Variants in ARHGEF28 observed in about 807,000 individuals in gnomAD.
The protein encoded by ARHGEF28 is Rho guanine nucleotide exchange factor 28.
A neutral mutation model predicts 206.6 loss-of-function variants in ARHGEF28; 152 were observed. The ratio of observed to expected loss-of-function variants is 0.74; its 90% CI spans 0.64 to 0.84. The LOEUF is 0.84. Among genes scored for constraint, ARHGEF28 ranks in the 40% least tolerant of loss-of-function variants. The pLI is 0.00. For synonymous variants in ARHGEF28, 763 were observed against 776.4 expected, an observed-to-expected ratio of 0.98 and a Z score of 0.29; for missense variants, 2,028 against 2,073.2, an observed-to-expected ratio of 0.98 and a Z score of 0.42.
At chr5:73,830,660 T>C (rs1363755378) in intron 9 of ARHGEF28, among the ~76,000 whole-genome samples, 1 of 152,106 alleles carries the variant, frequency 6.6e-6, no homozygotes, top group African/African-American at 2.4e-5. Context: ...GGAGAAGAGA[T>C]AGATTTAGAA....
chr5:73,629,273 G>A (rs1480998508), intron 1 of ARHGEF28, among the ~76,000 whole-genome samples: 1 of 151,990 alleles, frequency 6.6e-6, no homozygotes, highest in African/African-American at 2.4e-5. Context: ...TGAAGTGGGA[G>A]GATTGCTTGA....
intron 24 of ARHGEF28, 74 bp from the exon 25 acceptor site, chr5:73,885,773 AAAG>A (rs1190736753): frequency 6.4e-6 from 9 of 1,399,590 alleles, no homozygotes; most frequent in African/African-American, 1.5e-5. Flanking sequence ...TTTTAAAACT[AAAG>A]AAGAAGTTTT....
intron 9 of ARHGEF28, among the ~76,000 whole-genome samples, chr5:73,821,304 CAT>C (rs956836700): frequency 4.6e-5 from 7 of 152,184 alleles, no homozygotes; most frequent in African/African-American, 1.4e-4. Context: ...ATTGAGGACA[CAT>C]AAAAAATAAG....
intron 4 of ARHGEF28, among the ~76,000 whole-genome samples, chr5:73,758,303 T>C (rs1234902125): frequency 6.6e-6 from 1 of 152,228 alleles, no homozygotes; most frequent in Non-Finnish European, 1.5e-5. Context: ...AAAGAGGTCA[T>C]ATAAAGAATA....
At chr5:73,744,598 T>C (rs1751620063) in intron 2 of ARHGEF28, among the ~76,000 whole-genome samples, 1 of 152,038 alleles carries the variant, frequency 6.6e-6, no homozygotes, top group Non-Finnish European at 1.5e-5. Flanking sequence ...CAAATCAAAT[T>C]TGATAGTTCA....
chr5:73,701,405 A>G (rs1281338635), intron 2 of ARHGEF28, among the ~76,000 whole-genome samples: 3 of 152,086 alleles, frequency 2.0e-5, no homozygotes, highest in Non-Finnish European at 4.4e-5. Flanking sequence ...TGTCAGTGAG[A>G]TTTCTATTGG....
intron 2 of ARHGEF28, among the ~76,000 whole-genome samples, chr5:73,688,750 G>T (rs958318249): frequency 2.0e-5 from 3 of 152,046 alleles, no homozygotes; most frequent in African/African-American, 7.2e-5. Flanking sequence ...TCAGCCTCTG[G>T]GTAAGTGATT....
chr5:73,938,739 C>A (rs772087579), intron 35 of ARHGEF28, among the ~76,000 whole-genome samples: 1 of 152,096 alleles, frequency 6.6e-6, no homozygotes, highest in African/African-American at 2.4e-5. Flanking sequence ...AGTGTGACTG[C>A]GTGTTGTGAC....
chr5:73,877,034 G>C (rs1031050314), intron 22 of ARHGEF28, among the ~76,000 whole-genome samples: 1 of 138,406 alleles, frequency 7.2e-6, no homozygotes, highest in African/African-American at 2.8e-5. Context: ...GAATTTGGCT[G>C]TGAATCCATC....
At chr5:73,875,739 G>A (rs1445951319) in intron 22 of ARHGEF28, among the ~76,000 whole-genome samples, 2 of 151,684 alleles carry the variant, frequency 1.3e-5, no homozygotes, top group South Asian at 2.1e-4. Flanking sequence ...TAGATATGCG[G>A]CGTTATTTCT....
rs770106249 is a variant in ARHGEF28 at position 73,840,648 on chromosome 5, A to T, written c.1315A>T (p.Thr439Ser). 6.2e-7 allele frequency: 1 copy of T among 1,613,824 alleles called. No homozygotes were observed. The highest frequency in any genetic ancestry group is 1.7e-5 in the Admixed American group (1 of 59,992). The change falls in exon 11 of 36, where the codon ACT becomes TCT. Residue 439 changes from threonine to serine, a missense_variant. By Grantham distance (58) the Thr-to-Ser change is moderately conservative (BLOSUM62 1). This residue lies in a region of ARHGEF28 where 1,002 missense variants were observed against 1,015.3 expected (regional missense o/e 0.99). Coordinates refer to ENST00000513042, the MANE Select transcript of ARHGEF28 (RefSeq NM_001177693.2). ...TGAAAATGTCGAAGGGACAGCACAC[A>T]CTGAAGCCCAGCAGTCCTTCATGTC... The part of the protein sequence containing the change: ...LSENVEGTAH[T>S]EAQQSFMSPS...
intron 9 of ARHGEF28, among the ~76,000 whole-genome samples, chr5:73,799,901 C>T (rs912386574): frequency 2.0e-5 from 3 of 152,072 alleles, no homozygotes; most frequent in Admixed American, 6.5e-5. Flanking sequence ...AGGCATGAAG[C>T]GCTGCCTCAT....
At chr5:73,709,824 C>T (rs1749141235) in intron 2 of ARHGEF28, among the ~76,000 whole-genome samples, 1 of 152,192 alleles carries the variant, frequency 6.6e-6, no homozygotes, top group Admixed American at 6.5e-5. Context: ...CGGCCTCCAA[C>T]AATGCATAGC....
At chr5:73,808,117 A>G (rs1209613636) in intron 9 of ARHGEF28, among the ~76,000 whole-genome samples, 1 of 152,184 alleles carries the variant, frequency 6.6e-6, no homozygotes, top group Non-Finnish European at 1.5e-5. Context: ...ATTTTGTTTT[A>G]AGCAAGATGG....
chr5:73,820,011 A>C (rs1358549211), intron 9 of ARHGEF28, among the ~76,000 whole-genome samples: 1 of 152,106 alleles, frequency 6.6e-6, no homozygotes, highest in Non-Finnish European at 1.5e-5. Flanking sequence ...CTATACCCTA[A>C]GACACTGAAT....
chr5:73,697,606 C>A (rs2112277347), intron 2 of ARHGEF28, among the ~76,000 whole-genome samples: 1 of 152,208 alleles, frequency 6.6e-6, no homozygotes, highest in Admixed American at 6.5e-5. Context: ...ACCAGTCCCC[C>A]TCCCACAATA....
chr5:73,819,971 C>T (rs967366103), intron 9 of ARHGEF28, among the ~76,000 whole-genome samples: 16 of 152,142 alleles, frequency 1.1e-4, no homozygotes, highest in African/African-American at 3.1e-4. Flanking sequence ...AAGGCCCTCT[C>T]GTTACTGTAT....
chr5:73,909,942 G>A (rs763882127), intron 34 of ARHGEF28, 45 bp downstream of exon 34: 4 of 1,472,136 alleles, frequency 2.7e-6, no homozygotes, highest in South Asian at 2.9e-5. Context: ...TCAAAGACAG[G>A]GGTGGGCCTG....
At chr5:73,695,188 G>T (rs547686216) in intron 2 of ARHGEF28, among the ~76,000 whole-genome samples, 1 of 152,170 alleles carries the variant, frequency 6.6e-6, no homozygotes, top group Non-Finnish European at 1.5e-5. Context: ...GGTGGGAGGG[G>T]CCAGGTCATG....
Sources: gnomAD v4.1 joint callset for allele counts (sites outside exome capture counted in the v4.1 genomes callset) on GRCh38, gnomAD v4.1.1 for gene constraint, gnomAD v4.1.1 regional missense constraint, MANE v1.5 for transcripts, NCBI Gene and HGNC (gene_info 2026-07-23, HGNC 2026-07-21) for gene names.